Variants in CNTNAP2 observed in about 807,000 individuals in gnomAD.
The protein encoded by CNTNAP2 is contactin-associated protein-like 2.
A neutral mutation model predicts 155.2 loss-of-function variants in CNTNAP2; 98 were observed. The ratio of observed to expected loss-of-function variants is 0.63; its 90% CI spans 0.54 to 0.75. The LOEUF is 0.75. CNTNAP2 is among the 30% of genes least tolerant of loss of function. The pLI, the probability that CNTNAP2 is intolerant of heterozygous loss-of-function variation, is 0.00. For missense variants in CNTNAP2, 1,727 were observed against 1,688.1 expected, an observed-to-expected ratio of 1.02 and a Z score of -0.40; for synonymous variants, 651 against 631.2, an observed-to-expected ratio of 1.03 and a Z score of -0.47.
intron 8 of CNTNAP2, among the ~76,000 whole-genome samples, chr7:147,298,048 T>G (rs1041247454): frequency 3.9e-5 from 6 of 152,222 alleles, no homozygotes; most frequent in Non-Finnish European, 7.3e-5. Context: ...ATATATTCAC[T>G]TGTATGCTAA....
chr7:147,935,610 G>T (rs958628500), intron 14 of CNTNAP2, among the ~76,000 whole-genome samples: 3 of 152,198 alleles, frequency 2.0e-5, no homozygotes, highest in Middle Eastern at 3.4e-3. Context: ...ATGATTCAAG[G>T]TTATAGATTA....
chr7:146,163,748 AAAAG>A (rs1191241746), intron 1 of CNTNAP2, among the ~76,000 whole-genome samples: 4 of 151,868 alleles, frequency 2.6e-5, no homozygotes, highest in African/African-American at 7.2e-5. Flanking sequence ...AAAAAAAAGA[AAAAG>A]AAAGGTTGTT....
chr7:146,662,939 T>C (rs1800118021), intron 1 of CNTNAP2, among the ~76,000 whole-genome samples: 1 of 152,152 alleles, frequency 6.6e-6, no homozygotes, highest in Non-Finnish European at 1.5e-5. Flanking sequence ...ATTTATGTCC[T>C]TTTGCAAACA....
chr7:146,511,461 T>C (rs144699281), intron 1 of CNTNAP2, among the ~76,000 whole-genome samples: 1 of 152,336 alleles, frequency 6.6e-6, no homozygotes, highest in African/African-American at 2.4e-5. Flanking sequence ...AGTATGTTCC[T>C]TCTATACCAA....
At chr7:147,121,705 A>G (rs1410933704) in intron 6 of CNTNAP2, 2 of 152,780 alleles carry the variant, frequency 1.3e-5, no homozygotes, top group Non-Finnish European at 2.9e-5. Flanking sequence ...GAACAAAAAG[A>G]CATATATTAC....
chr7:146,119,058 A>G (rs1021399907), intron 1 of CNTNAP2, among the ~76,000 whole-genome samples: 1 of 151,946 alleles, frequency 6.6e-6, no homozygotes, highest in Non-Finnish European at 1.5e-5. Context: ...ATTTTTATTT[A>G]CATTATATAT....
chr7:146,904,597 G>C (rs556221190), intron 3 of CNTNAP2, among the ~76,000 whole-genome samples: 20 of 152,184 alleles, frequency 1.3e-4, no homozygotes, highest in African/African-American at 4.6e-4. Flanking sequence ...TCAGCCTCCT[G>C]AGTAGCTGGG....
chr7:146,362,407 C>A (rs1795094564), intron 1 of CNTNAP2, among the ~76,000 whole-genome samples: 1 of 152,178 alleles, frequency 6.6e-6, no homozygotes, highest in Non-Finnish European at 1.5e-5. Flanking sequence ...GAAGCAGCCA[C>A]AGATGAAGTC....
At chr7:147,837,264 A>G (rs1205639426) in intron 13 of CNTNAP2, among the ~76,000 whole-genome samples, 3 of 152,168 alleles carry the variant, frequency 2.0e-5, no homozygotes, top group South Asian at 4.1e-4. Flanking sequence ...CAGACAAGAG[A>G]AGAGAGCTTG....
intron 5 of CNTNAP2, among the ~76,000 whole-genome samples, chr7:147,119,433 C>A (rs1801056275): frequency 6.6e-6 from 1 of 152,140 alleles, no homozygotes; most frequent in Non-Finnish European, 1.5e-5. Flanking sequence ...TTCTTTAATG[C>A]AGTTACCTAA....
At chr7:146,716,052 C>G (rs1162148161) in intron 1 of CNTNAP2, among the ~76,000 whole-genome samples, 4 of 152,022 alleles carry the variant, frequency 2.6e-5, no homozygotes, top group African/African-American at 7.3e-5. Flanking sequence ...CACTTACCCA[C>G]TAAATTGAGG....
rs7778180 is a variant in CNTNAP2, at chr7:147,551,585, A to G, written c.1778-10553A>G. ...CTGTCCTATTATAAAACAAGCCTACATTTATATAATCCTCATATCTCAAAA... is the reference window on the plus strand; with the variant it reads ...CTGTCCTATTATAAAACAAGCCTACGTTTATATAATCCTCATATCTCAAAA... On this transcript the variant is annotated intron_variant, in intron 11 of 23. Coordinates refer to ENST00000361727, the MANE Select transcript of CNTNAP2 (RefSeq NM_014141.6). 6.5e-3 allele frequency among the ~76,000 whole-genome samples: 986 copies of G among 152,310 alleles called. 13 individuals are homozygous for G. The highest frequency in any genetic ancestry group is 0.022 in the African/African-American group (927 of 41,574).
intron 1 of CNTNAP2, among the ~76,000 whole-genome samples, chr7:146,667,654 T>A (rs1800221193): frequency 6.6e-6 from 1 of 152,032 alleles, no homozygotes. Context: ...TTTTCATCAG[T>A]GTTTTGCAGT....
In CNTNAP2 at chr7:147,120,166, G is replaced by A. The variant is rs115862626; in HGVS notation, c.755-813G>A. On this transcript the variant is annotated intron_variant, in intron 5 of 23. Coordinates refer to ENST00000361727, the MANE Select transcript of CNTNAP2 (RefSeq NM_014141.6). Reference sequence around the variant, plus strand: ...TACAACAATGTCTTTTGGAGTCAATGAAAATTAAAAATGGTCTTGCTATGT... The same window carrying A: ...TACAACAATGTCTTTTGGAGTCAATAAAAATTAAAAATGGTCTTGCTATGT... Among the ~76,000 whole-genome samples the A allele has an allele frequency of 6.8e-3, 1,032 of 152,190 alleles. 14 individuals carry two copies. Among genetic ancestry groups the A allele is most frequent in the African/African-American group, 0.023 (970 of 41,522 alleles).
intron 3 of CNTNAP2, among the ~76,000 whole-genome samples, chr7:146,904,319 C>T (rs1040124005): frequency 6.6e-6 from 1 of 152,164 alleles, no homozygotes; most frequent in Admixed American, 6.5e-5. Context: ...TGAAGACCCT[C>T]TATAGAATTG....
chr7:148,258,481 T>G (rs1373204194), intron 20 of CNTNAP2, among the ~76,000 whole-genome samples: 1 of 152,146 alleles, frequency 6.6e-6, no homozygotes, highest in Non-Finnish European at 1.5e-5. Flanking sequence ...TTGTTCGTAT[T>G]TTCAATTGCA....
intron 22 of CNTNAP2, among the ~76,000 whole-genome samples, chr7:148,394,505 C>T (rs1799423011): frequency 6.6e-6 from 1 of 151,958 alleles, no homozygotes; most frequent in Non-Finnish European, 1.5e-5. Context: ...ATTTGCTTTT[C>T]CCATGTGGAT....
chr7:147,954,982 C>T (rs1163441188), intron 14 of CNTNAP2, among the ~76,000 whole-genome samples: 3 of 152,208 alleles, frequency 2.0e-5, no homozygotes, highest in African/African-American at 7.2e-5. Flanking sequence ...GCTACACCCA[C>T]TTTTTTCTTC....
At chr7:147,142,289 G>A (rs549867232) in intron 8 of CNTNAP2, among the ~76,000 whole-genome samples, 1 of 152,250 alleles carries the variant, frequency 6.6e-6, no homozygotes, top group South Asian at 2.1e-4. Flanking sequence ...ATGAAGTGTT[G>A]TTGAATTTTG....
Sources: allele counts gnomAD v4.1 joint callset (sites outside exome capture counted in the v4.1 genomes callset), GRCh38; gene constraint gnomAD v4.1.1; transcripts MANE v1.5; gene names NCBI Gene and HGNC (gene_info 2026-07-23, HGNC 2026-07-21).